The following CHIC2 variants were observed in gnomAD, a reference collection of about 807,000 sequenced individuals.
The protein encoded by CHIC2 is cysteine-rich hydrophobic domain-containing protein 2.
Under a neutral mutation model 25.9 loss-of-function variants are expected in CHIC2, and 14 were observed. The observed-to-expected ratio is 0.54, with a 90% CI of 0.36 to 0.85. The LOEUF is 0.85. CHIC2 is among the 40% of genes least tolerant of loss of function. The pLI is 0.01. For missense variants in CHIC2, 146 were observed against 202.0 expected, an observed-to-expected ratio of 0.72 and a Z score of 1.68; for synonymous variants, 70 against 72.0, an observed-to-expected ratio of 0.97 and a Z score of 0.14.
chr4:54,078,989 G>T, the CHIC2 span, among the ~76,000 whole-genome samples: 1,311 of 151,820 alleles, frequency 8.6e-3, 20 homozygotes, highest in African/African-American at 0.029. Context: ...GGCTGAGGCA[G>T]GCAGATCACT....
intron 1 of CHIC2, among the ~76,000 whole-genome samples, chr4:54,056,707 GA>G (rs1560398042): frequency 6.6e-6 from 1 of 152,030 alleles, no homozygotes; most frequent in Non-Finnish European, 1.5e-5. Flanking sequence ...TAGTGGGAGA[GA>G]AAAAAAGCTT....
At chr4:54,043,999 C>T (rs1716682320) in intron 3 of CHIC2, among the ~76,000 whole-genome samples, 1 of 152,096 alleles carries the variant, frequency 6.6e-6, no homozygotes, top group Admixed American at 6.6e-5. Flanking sequence ...GCAGGGGTTG[C>T]AATCCTAGTC....
chr4:54,021,815 A>G (rs999021897), intron 3 of CHIC2, among the ~76,000 whole-genome samples: 1 of 152,094 alleles, frequency 6.6e-6, no homozygotes, highest in Non-Finnish European at 1.5e-5. Flanking sequence ...ACATTTTATT[A>G]ACCAGCCCAC....
intron 3 of CHIC2, among the ~76,000 whole-genome samples, chr4:54,038,170 G>A (rs1301847966): frequency 6.6e-6 from 1 of 152,056 alleles, no homozygotes; most frequent in Non-Finnish European, 1.5e-5. Context: ...TACACAGATT[G>A]GGAATAAAAC....
chr4:54,074,676 T>C, the CHIC2 span, among the ~76,000 whole-genome samples: 1 of 152,110 alleles, frequency 6.6e-6, no homozygotes, highest in Admixed American at 6.6e-5. Context: ...TTTTTTCTTA[T>C]ATTTATGTGA....
the CHIC2 span, among the ~76,000 whole-genome samples, chr4:54,072,022 C>T: frequency 9.6e-3 from 1,457 of 151,424 alleles, 16 homozygotes; most frequent in African/African-American, 0.033. Context: ...AGGCTGGGTG[C>T]GGTGGCTCAC....
In CHIC2 at chr4:54,043,638, G is replaced by C. The variant is rs375994994; in HGVS notation, c.330+5317C>G. Among the ~76,000 whole-genome samples the C allele has an allele frequency of 9.2e-5, 14 of 152,118 alleles. No homozygotes were observed. In the South Asian group the frequency reaches 1.5e-3, roughly 16 times the overall value. On this transcript the variant is annotated intron_variant, in intron 3 of 5. Coordinates refer to ENST00000263921, the MANE Select transcript of CHIC2 (RefSeq NM_012110.4). Reference sequence around the variant, plus strand: ...TGTCAGCACCAGGCCTGCCCTAAAAGAGCTCCCGAAGGAAGCACTAAACAT... The same window carrying C: ...TGTCAGCACCAGGCCTGCCCTAAAACAGCTCCCGAAGGAAGCACTAAACAT...
In CHIC2 at chr4:54,023,217, G is replaced by A. The variant is rs145251088; in HGVS notation, c.331-9098C>T. Among the ~76,000 whole-genome samples, 888 of 152,154 alleles carry A rather than the reference G, an allele frequency of 5.8e-3. 6 individuals carry two copies. The highest frequency in any genetic ancestry group is 0.034 in the South Asian group (165 of 4,808). The stretch of plus-strand genomic sequence containing the variant: ...CGGTCAAAATTCTTACACAAGAGCC[G>A]GAACCGTGCCCTGTAGCCTTTCTGT... On this transcript the variant is annotated intron_variant, in intron 3 of 5. Transcript: ENST00000263921.
chr4:54,030,527 A>G (rs1716193413), intron 3 of CHIC2, among the ~76,000 whole-genome samples: 1 of 125,898 alleles, frequency 7.9e-6, no homozygotes, highest in Non-Finnish European at 1.7e-5. Context: ...TCAAAAGAAA[A>G]AAAAAAAAAA....
chr4:54,044,467 C>G (rs966197972), intron 3 of CHIC2, among the ~76,000 whole-genome samples: 19 of 152,294 alleles, frequency 1.2e-4, no homozygotes, highest in African/African-American at 4.6e-4. Flanking sequence ...ACAGTGCAAT[C>G]AAACTAGAAC....
At chr4:54,041,534 C>T (rs1358815683) in intron 3 of CHIC2, among the ~76,000 whole-genome samples, 1 of 152,098 alleles carries the variant, frequency 6.6e-6, no homozygotes, top group Non-Finnish European at 1.5e-5. Context: ...GCACCTTCAT[C>T]ACTTAAAGAA....
intron 3 of CHIC2, among the ~76,000 whole-genome samples, chr4:54,033,435 G>A (rs1053081209): frequency 2.6e-5 from 4 of 151,972 alleles, no homozygotes; most frequent in Non-Finnish European, 5.9e-5. Flanking sequence ...TATATATTCT[G>A]GACAAAAGTA....
intron 1 of CHIC2, among the ~76,000 whole-genome samples, chr4:54,058,551 C>CACACAT (rs879650933): frequency 0.13 from 14,655 of 113,668 alleles, 625 homozygotes; most frequent in Middle Eastern, 0.2. Flanking sequence ...TACACACATA[C>CACACAT]ACACACATAC....
At chr4:54,012,144 G>A (rs1304984341) in intron 5 of CHIC2, among the ~76,000 whole-genome samples, 2 of 151,408 alleles carry the variant, frequency 1.3e-5, no homozygotes, top group East Asian at 1.9e-4. Flanking sequence ...AGAGAGGTGG[G>A]TATTGCTATG....
chr4:54,019,796 G>C lies in CHIC2; in HGVS notation c.331-5677C>G, dbSNP rs147867211. Among the ~76,000 whole-genome samples the C allele has an allele frequency of 2.9e-3, 440 of 152,090 alleles. 3 individuals are homozygous for C. The highest frequency in any genetic ancestry group is 0.01 in the African/African-American group (415 of 41,460). On this transcript the variant is annotated intron_variant, in intron 3 of 5. Transcript: ENST00000263921. Reference sequence around the variant, plus strand: ...CCACTCGGTCTCAAAGGGTTCTTTTGGTTTCAATAATCTAGTCAAATAAAA... The same window carrying C: ...CCACTCGGTCTCAAAGGGTTCTTTTCGTTTCAATAATCTAGTCAAATAAAA...
the CHIC2 span, chr4:54,087,127 A>G: frequency 4.8e-6 from 4 of 830,084 alleles, no homozygotes; most frequent in Non-Finnish European, 8.3e-6. Context: ...TCTTAGCTTC[A>G]GGATCCGTGA....
chr4:54,085,719 G>C, the CHIC2 span, among the ~76,000 whole-genome samples: 1 of 152,148 alleles, frequency 6.6e-6, no homozygotes. Context: ...GAATTCCACA[G>C]GCCGACAGTG....
chr4:54,039,948 T>C (rs1250914314), intron 3 of CHIC2, among the ~76,000 whole-genome samples: 5 of 152,214 alleles, frequency 3.3e-5, no homozygotes, highest in African/African-American at 1.2e-4. Context: ...AAAAGTTATA[T>C]ACACTATTTT....
At chr4:54,011,685 T>G (rs1715593898) in intron 5 of CHIC2, among the ~76,000 whole-genome samples, 1 of 152,074 alleles carries the variant, frequency 6.6e-6, no homozygotes, top group South Asian at 2.1e-4. Context: ...TGCCTACATT[T>G]GAACTATTAG....
Sources: allele counts gnomAD v4.1 joint callset (sites outside exome capture counted in the v4.1 genomes callset), GRCh38; gene constraint gnomAD v4.1.1; transcripts MANE v1.5; gene names NCBI Gene and HGNC (gene_info 2026-07-23, HGNC 2026-07-21).